Variants in CDH13 observed in about 807,000 individuals in gnomAD.
CDH13 encodes the protein cadherin-13.
In CDH13, 24 loss-of-function variants were observed where a neutral mutation model predicts 63.8. The observed-to-expected ratio is 0.38, with a 90% confidence interval of 0.27 to 0.53. CDH13 has a LOEUF of 0.53. CDH13 is among the 20% of genes least tolerant of loss of function. The pLI is 0.85. For missense variants in CDH13, 1,049 were observed against 903.1 expected, an observed-to-expected ratio of 1.16 and a Z score of -2.07; for synonymous variants, 503 against 355.3, an observed-to-expected ratio of 1.42 and a Z score of -4.67.
chr16:83,652,205 A>G (rs1912449051), intron 8 of CDH13, among the ~76,000 whole-genome samples: 1 of 152,250 alleles, frequency 6.6e-6, no homozygotes, highest in Non-Finnish European at 1.5e-5. Flanking sequence ...GATTTAGAGC[A>G]GTTTCTTCTG....
intron 6 of CDH13, among the ~76,000 whole-genome samples, chr16:83,367,448 C>G (rs1278732272): frequency 6.6e-6 from 1 of 152,142 alleles, no homozygotes; most frequent in Non-Finnish European, 1.5e-5. Flanking sequence ...TAATGCTGCT[C>G]TGAACATTTT....
chr16:82,870,200 G>T (rs2040295147), intron 2 of CDH13, among the ~76,000 whole-genome samples: 2 of 152,042 alleles, frequency 1.3e-5, no homozygotes. Flanking sequence ...ATGGGTAACA[G>T]GTATATGAAA....
intron 9 of CDH13, among the ~76,000 whole-genome samples, chr16:83,677,572 A>G (rs1333054673): frequency 2.0e-5 from 3 of 152,124 alleles, no homozygotes; most frequent in Admixed American, 1.3e-4. Flanking sequence ...CCTTTTCCCT[A>G]CATCATACTC....
At chr16:83,403,967 A>G (rs905109600) in intron 6 of CDH13, among the ~76,000 whole-genome samples, 6 of 152,236 alleles carry the variant, frequency 3.9e-5, no homozygotes, top group Non-Finnish European at 7.3e-5. Flanking sequence ...TGTGTAATAA[A>G]TCAACTTGAA....
At chr16:82,801,865 T>C (rs1411509400) in intron 1 of CDH13, among the ~76,000 whole-genome samples, 3 of 152,240 alleles carry the variant, frequency 2.0e-5, no homozygotes, top group African/African-American at 7.2e-5. Flanking sequence ...TTAGATTTTG[T>C]TCCCAAACAC....
At chr16:82,682,221 C>T (rs1914624253) in intron 1 of CDH13, among the ~76,000 whole-genome samples, 1 of 152,202 alleles carries the variant, frequency 6.6e-6, no homozygotes, top group South Asian at 2.1e-4. Context: ...TAAACAGAAT[C>T]CCCTAGGGAA....
chr16:83,191,467 A>G (rs1213379846), intron 4 of CDH13, among the ~76,000 whole-genome samples: 10 of 118,066 alleles, frequency 8.5e-5, no homozygotes, highest in South Asian at 2.6e-4. Flanking sequence ...AAATATATAT[A>G]TATATATATA....
chr16:83,570,484 C>T (rs1396224124), intron 7 of CDH13, among the ~76,000 whole-genome samples: 1 of 151,878 alleles, frequency 6.6e-6, no homozygotes, highest in Non-Finnish European at 1.5e-5. Flanking sequence ...AATGGCAAAG[C>T]CAAGGAAAAA....
chr16:82,644,103 T>C lies in CDH13; in HGVS notation c.45+16966T>C, dbSNP rs1463770542. 6.6e-6 allele frequency among the ~76,000 whole-genome samples: 1 copy of C among 152,024 alleles called. No homozygotes were observed. The highest frequency in any genetic ancestry group is 6.5e-5 in the Admixed American group (1 of 15,272). ...GGGAGAAAGAGGAGAGAAATCTAAT[T>C]GATATGCTAATTGTCATTGTACTCA... On this transcript the variant is annotated intron_variant, in intron 1 of 13. Transcript: ENST00000567109. The surrounding 1 kb of genome is among the most constrained non-coding windows in gnomAD (Gnocchi z 5.7).
Position 83,479,666 on chromosome 16 carries a change from A to AG in CDH13, c.782-6811_782-6810insG, listed in dbSNP as rs1555556713. 3.2e-3 allele frequency among the ~76,000 whole-genome samples: 491 copies of AG among 151,514 alleles called. 8 individuals carry two copies. The highest frequency in any genetic ancestry group is 0.011 in the African/African-American group (467 of 41,282). ...AGTGAGACTCCGTCTCCAAAAAAAA[A>AG]CTTACATTTCTCCATTACTTACCAT... On this transcript the variant is annotated intron_variant, in intron 6 of 13. Transcript: ENST00000567109.
chr16:83,301,533 C>G (rs918884869), intron 5 of CDH13, among the ~76,000 whole-genome samples: 1 of 151,926 alleles, frequency 6.6e-6, no homozygotes, highest in Non-Finnish European at 1.5e-5. Context: ...GGAAGGGTCT[C>G]GTGGGGAGGG....
chr16:82,769,663 C>A (rs1388183546), intron 1 of CDH13, among the ~76,000 whole-genome samples: 2 of 152,180 alleles, frequency 1.3e-5, no homozygotes, highest in Admixed American at 6.5e-5. Flanking sequence ...AGGATAGGAG[C>A]AATTCCATGA....
chr16:83,240,160 G>A (rs770372264), intron 5 of CDH13, among the ~76,000 whole-genome samples: 2 of 152,072 alleles, frequency 1.3e-5, no homozygotes, highest in African/African-American at 4.8e-5. Context: ...GCCTTTGTTG[G>A]TGTACCCCTC....
intron 1 of CDH13, among the ~76,000 whole-genome samples, chr16:82,651,037 C>G (rs998518566): frequency 1.3e-5 from 2 of 152,030 alleles, no homozygotes; most frequent in African/African-American, 4.8e-5. Flanking sequence ...AAAACGGTAC[C>G]CTCTTTAGAC....
At chr16:83,613,804 G>C (rs182513565) in intron 8 of CDH13, among the ~76,000 whole-genome samples, 22 of 152,096 alleles carry the variant, frequency 1.4e-4, no homozygotes, top group Admixed American at 1.0e-3. Context: ...CCGCACTCCA[G>C]CCTCCATGAC....
intron 7 of CDH13, among the ~76,000 whole-genome samples, chr16:83,503,411 G>A (rs562972218): frequency 5.0e-4 from 76 of 152,314 alleles, no homozygotes; most frequent in African/African-American, 1.8e-3. Context: ...CATCTACCTG[G>A]GTGGAGCCCA....
In CDH13 at chr16:83,427,354, A is replaced by C. The variant is rs2071943792; in HGVS notation, c.782-59123A>C. ...CTTACAAGAGGGATAGAGGAGGGTC[A>C]GAGAAAGAGATGTGGCAATGGGGAC... On this transcript the variant is annotated intron_variant, in intron 6 of 13. Coordinates refer to ENST00000567109, the MANE Select transcript of CDH13 (RefSeq NM_001257.5). Among the ~76,000 whole-genome samples the C allele has an allele frequency of 2.0e-5, 3 of 152,166 alleles. No individual in the cohort carries two copies. The South Asian group carries it at 6.2e-4, about 32-fold the overall frequency.
intron 1 of CDH13, among the ~76,000 whole-genome samples, chr16:82,833,420 G>A (rs992471785): frequency 2.0e-5 from 3 of 152,170 alleles, no homozygotes; most frequent in African/African-American, 4.8e-5. Flanking sequence ...CTCAAAGCCA[G>A]GTTTGCTTGA....
chr16:83,234,467 C>T (rs2040088988), intron 5 of CDH13, among the ~76,000 whole-genome samples: 1 of 152,094 alleles, frequency 6.6e-6, no homozygotes, highest in Non-Finnish European at 1.5e-5. Context: ...AACGCAGGGT[C>T]AGTAGGGAGA....
Sources: allele counts gnomAD v4.1 joint callset (sites outside exome capture counted in the v4.1 genomes callset), GRCh38; gene constraint gnomAD v4.1.1; non-coding constraint Gnocchi (gnomAD v3.1); transcripts MANE v1.5; gene names NCBI Gene and HGNC (gene_info 2026-07-23, HGNC 2026-07-21).